The following NRXN3 variants were observed in gnomAD, a reference collection of about 807,000 sequenced individuals.
NRXN3 encodes the protein neurexin 3, also known as neurexin III.
NRXN3 carries 32 observed loss-of-function variants against 137.6 expected under a neutral mutation model. The observed-to-expected ratio is 0.23, with a 90% CI of 0.18 to 0.31. The LOEUF (loss-of-function observed/expected upper bound fraction) is 0.31. NRXN3 is among the 10% of genes least tolerant of loss of function. The pLI is 1.00. For synonymous variants in NRXN3, 798 were observed against 784.5 expected (o/e 1.02, Z -0.29); for missense variants, 1,574 against 2,062.5 (o/e 0.76, Z 4.59).
At chr14:79,674,630 A>G (rs1284851071) in intron 17 of NRXN3, among the ~76,000 whole-genome samples, 1 of 151,918 alleles carries the variant, frequency 6.6e-6, no homozygotes, top group African/African-American at 2.4e-5. Context: ...TCCAGTTTGC[A>G]TCATCTACAG....
At chr14:79,412,874 T>C (rs1312844249) in intron 15 of NRXN3, among the ~76,000 whole-genome samples, 2 of 140,916 alleles carry the variant, frequency 1.4e-5, no homozygotes, top group African/African-American at 2.6e-5. Context: ...CTAATACCAA[T>C]AAAATGCATA....
chr14:78,656,123 C>A (rs1049231130), intron 6 of NRXN3, among the ~76,000 whole-genome samples: 1 of 152,056 alleles, frequency 6.6e-6, no homozygotes, highest in Non-Finnish European at 1.5e-5. Flanking sequence ...CAATATATCC[C>A]CCAAACCTAT....
At chr14:79,723,602 G>A (rs1047481408) in intron 19 of NRXN3, among the ~76,000 whole-genome samples, 1 of 152,082 alleles carries the variant, frequency 6.6e-6, no homozygotes, top group Non-Finnish European at 1.5e-5. Flanking sequence ...TTGTGGATGT[G>A]TGTGTTATGG....
chr14:78,701,889 G>T (rs1463930334), intron 6 of NRXN3, among the ~76,000 whole-genome samples: 2 of 152,154 alleles, frequency 1.3e-5, no homozygotes, highest in Admixed American at 6.5e-5. Context: ...GGCAGATCCT[G>T]ACCACTGTTA....
At chr14:79,003,862 A>G (rs955037121) in intron 15 of NRXN3, among the ~76,000 whole-genome samples, 3 of 152,154 alleles carry the variant, frequency 2.0e-5, no homozygotes, top group African/African-American at 4.8e-5. Flanking sequence ...GATTTTGATA[A>G]TCAGTTCCAA....
At chr14:79,008,898 C>A (rs1403889388) in intron 15 of NRXN3, among the ~76,000 whole-genome samples, 1 of 152,060 alleles carries the variant, frequency 6.6e-6, no homozygotes, top group Non-Finnish European at 1.5e-5. Flanking sequence ...ACCTCATGAT[C>A]CACCCGCCTT....
chr14:79,664,046 C>A, intron 17 of NRXN3, 97 bp downstream of exon 17: 1 of 1,233,622 alleles, frequency 8.1e-7, no homozygotes, highest in Non-Finnish European at 1.2e-6. Flanking sequence ...AATTCCAGAA[C>A]ACTGAGTGAA....
chr14:79,191,872 A>C (rs1243073475), intron 15 of NRXN3, among the ~76,000 whole-genome samples: 1 of 152,046 alleles, frequency 6.6e-6, no homozygotes, highest in Admixed American at 6.6e-5. Context: ...ATGCCTTACC[A>C]CTTCACAAAT....
chr14:79,849,854 C>T (rs2099388088), intron 20 of NRXN3, among the ~76,000 whole-genome samples: 1 of 152,138 alleles, frequency 6.6e-6, no homozygotes, highest in Non-Finnish European at 1.5e-5. Flanking sequence ...TCCTTCACCC[C>T]TTTTCTGAGC....
At chr14:78,492,505 T>C (rs150259339) in intron 4 of NRXN3, among the ~76,000 whole-genome samples, 3 of 152,330 alleles carry the variant, frequency 2.0e-5, no homozygotes, top group Middle Eastern at 3.4e-3. Context: ...GTATAGTTTT[T>C]AGATATATTA....
chr14:78,655,974 A>C (rs1317663355), intron 6 of NRXN3, among the ~76,000 whole-genome samples: 9 of 152,152 alleles, frequency 5.9e-5, no homozygotes, highest in Admixed American at 5.2e-4. Flanking sequence ...TTATAAGGGC[A>C]CCAATCCCAC....
intron 4 of NRXN3, among the ~76,000 whole-genome samples, chr14:78,617,701 C>T (rs994932950): frequency 6.6e-6 from 1 of 152,040 alleles, no homozygotes; most frequent in African/African-American, 2.4e-5. Context: ...TCCTGGGCCT[C>T]AGTCTCTTCA....
intron 16 of NRXN3, among the ~76,000 whole-genome samples, chr14:79,614,748 T>C (rs905499374): frequency 9.2e-5 from 14 of 152,110 alleles, no homozygotes; most frequent in African/African-American, 3.4e-4. Context: ...CTGTATTCTA[T>C]TTCCATAACA....
chr14:79,228,897 C>T lies in NRXN3; in HGVS notation c.3263-238324C>T, dbSNP rs772822886. Reference sequence around the variant, plus strand: ...TTTAGAAGGGAGCGGTATTGGCATACGTGTTACACTTTTTTGCACATCACT... The same window carrying T: ...TTTAGAAGGGAGCGGTATTGGCATATGTGTTACACTTTTTTGCACATCACT... On this transcript the variant is annotated intron_variant, in intron 15 of 20. Transcript: ENST00000335750. 3.3e-4 allele frequency among the ~76,000 whole-genome samples: 50 copies of T among 152,212 alleles called. No individual in the cohort carries two copies. In the Middle Eastern group the frequency reaches 0.017, roughly 52 times the overall value.
chr14:79,655,858 A>G (rs912437716), intron 16 of NRXN3, among the ~76,000 whole-genome samples: 1 of 152,178 alleles, frequency 6.6e-6, no homozygotes, highest in African/African-American at 2.4e-5. Context: ...CCAAGACATT[A>G]ATGTAAGAAA....
At position 79,790,523 on chromosome 14, in the gene NRXN3, G is replaced by T. The variant is rs776047173; in HGVS notation, c.4015-14589G>T. ...GGGATTTCATTATTTTCCCCAGGCTGGTCTCAAACTTCTGAGTTCAAGTAA... is the reference window on the plus strand; with the variant it reads ...GGGATTTCATTATTTTCCCCAGGCTTGTCTCAAACTTCTGAGTTCAAGTAA... On this transcript the variant is annotated intron_variant, in intron 19 of 20. Transcript: ENST00000335750. Among the ~76,000 whole-genome samples the T allele has an allele frequency of 6.9e-4, 104 of 151,100 alleles. 3 individuals are homozygous for T. Among genetic ancestry groups the T allele is most frequent in the Non-Finnish European group, 1.8e-4 (12 of 67,838 alleles).
chr14:79,286,300 T>C lies in NRXN3; in HGVS notation c.3263-180921T>C, dbSNP rs1218405452. On this transcript the variant is annotated intron_variant, in intron 15 of 20. Transcript: ENST00000335750. ...CTTTCCTGAAACACAAATTACCAAC[T>C]ACTTTCACATCTCAGCCTTTGGTGA... Among the ~76,000 whole-genome samples the C allele has an allele frequency of 2.0e-5, 3 of 152,078 alleles. No individual in the cohort carries two copies. The East Asian group carries it at 5.8e-4, about 29-fold the overall frequency.
At chr14:78,919,169 A>T (rs1567702433) in intron 10 of NRXN3, among the ~76,000 whole-genome samples, 1 of 152,166 alleles carries the variant, frequency 6.6e-6, no homozygotes, top group South Asian at 2.1e-4. Flanking sequence ...CTTTTGACCT[A>T]TTTGGGATTG....
At chr14:79,745,554 CCTT>C (rs1416746163) in intron 19 of NRXN3, among the ~76,000 whole-genome samples, 1 of 152,142 alleles carries the variant, frequency 6.6e-6, no homozygotes, top group African/African-American at 2.4e-5. Context: ...ATCCACGTCT[CCTT>C]CTCAATCCAC....
Sources: gnomAD v4.1 joint callset for allele counts (sites outside exome capture counted in the v4.1 genomes callset) on GRCh38, gnomAD v4.1.1 for gene constraint, MANE v1.5 for transcripts, NCBI Gene and HGNC (gene_info 2026-07-23, HGNC 2026-07-21) for gene names.